The following ABHD2 variants were observed in gnomAD, a reference collection of about 807,000 sequenced individuals.
ABHD2 encodes the protein abhydrolase domain containing 2, acylglycerol lipase, also known as monoacylglycerol lipase ABHD2.
In ABHD2, 20 loss-of-function variants were observed where a neutral mutation model predicts 48.1. The ratio of observed to expected loss-of-function variants is 0.42; its 90% CI spans 0.29 to 0.60. ABHD2 has a LOEUF of 0.60. Ranked by LOEUF, ABHD2 falls within the 20% of genes least tolerant of loss-of-function variation. The probability of loss-of-function intolerance (pLI) is 0.24; values close to 1 mark genes in which losing one functional copy is unlikely to be tolerated. For synonymous variants in ABHD2, 209 were observed against 214.2 expected, an observed-to-expected ratio of 0.98 and a Z score of 0.21; for missense variants, 405 against 550.9, an observed-to-expected ratio of 0.74 and a Z score of 2.65.
chr15:89,188,414 G>A lies in ABHD2; in HGVS notation c.926+111G>A. On this transcript the variant is annotated intron_variant, in intron 8 of 10. Coordinates refer to ENST00000352732, the MANE Select transcript of ABHD2 (RefSeq NM_152924.5). This position sits in a 1 kb window ranked among gnomAD's most constrained non-coding sequence, Gnocchi z 4.1. ...TTGCTCTGCCTACTTGAGTGTTAAG[G>A]GTGTTTTTTTCCCTTTAAGTAAGTG... 1.1e-6 allele frequency: 1 copy of A among 881,544 alleles called. No individual in the cohort carries two copies. The highest frequency in any genetic ancestry group is 1.7e-6 in the Non-Finnish European group (1 of 574,058). 54.6% of individuals were successfully genotyped at this position (881,544 alleles called of 1,614,324 possible).
chr15:89,053,024 G>C, the ABHD2 span, among the ~76,000 whole-genome samples: 1 of 149,928 alleles, frequency 6.7e-6, no homozygotes, highest in Non-Finnish European at 1.5e-5. Flanking sequence ...CTGTAGTGCA[G>C]TGGCGTGGTC....
rs1306093439 is a variant in ABHD2 at position 89,174,036 on chromosome 15, C to T, written c.539-1776C>T. Among the ~76,000 whole-genome samples the T allele has an allele frequency of 6.6e-6, 1 of 152,074 alleles. No homozygotes were observed. The highest frequency in any genetic ancestry group is 1.5e-5 in the Non-Finnish European group (1 of 68,012). On this transcript the variant is annotated intron_variant, in intron 5 of 10. Transcript: ENST00000352732. This position sits in a 1 kb window ranked among gnomAD's most constrained non-coding sequence, Gnocchi z 4.1. Reference sequence around the variant, plus strand: ...CTGGGAAGAGGCATGAGGAGGCCTCCAGGGGTGTCAAAAATATTCTGCGTC... The same window carrying T: ...CTGGGAAGAGGCATGAGGAGGCCTCTAGGGGTGTCAAAAATATTCTGCGTC...
chr15:89,064,235 T>TC, the ABHD2 span, among the ~76,000 whole-genome samples: 1 of 149,978 alleles, frequency 6.7e-6, no homozygotes, highest in Non-Finnish European at 1.5e-5. Flanking sequence ...TTTTTTTTTT[T>TC]TTTACACGGA....
intron 5 of ABHD2, among the ~76,000 whole-genome samples, chr15:89,156,848 G>A (rs1027207694): frequency 6.6e-6 from 1 of 152,112 alleles, no homozygotes; most frequent in Non-Finnish European, 1.5e-5. Context: ...ATATGCATCT[G>A]TATATGCACA....
intron 3 of ABHD2, among the ~76,000 whole-genome samples, chr15:89,118,121 G>A (rs2049990615): frequency 6.6e-6 from 1 of 152,140 alleles, no homozygotes; most frequent in African/African-American, 2.4e-5. Flanking sequence ...TAAAGGGTGT[G>A]CACGGTATAT....
rs2051004590 is a variant in ABHD2 at position 89,175,915 on chromosome 15, C to T, written c.642C>T (p.Cys214=). The change falls in exon 6 of 11, where the codon TGC becomes TGT. Residue 214 remains cysteine, a synonymous_variant. Transcript: ENST00000352732. This position sits in a 1 kb window ranked among gnomAD's most constrained non-coding sequence, Gnocchi z 5.7. ...VGFSLGGNIV[C]KYLGETQANQ... ...TCAGCCTGGGTGGTAACATTGTGTG[C>T]AAATACTTGGGGGAGACTCAGGCAA... The T allele has an allele frequency of 6.2e-7, 1 of 1,614,086 alleles. No individual in the cohort carries two copies. Among genetic ancestry groups the T allele is most frequent in the South Asian group, 1.1e-5 (1 of 91,076 alleles).
At chr15:89,098,112 T>C (rs769490934) in intron 1 of ABHD2, among the ~76,000 whole-genome samples, 9 of 152,112 alleles carry the variant, frequency 5.9e-5, no homozygotes, top group Non-Finnish European at 1.0e-4. Context: ...ATTCCTGAGC[T>C]CAAGTGATCC....
At chr15:89,194,837 C>T (rs1596170112) in intron 10 of ABHD2, among the ~76,000 whole-genome samples, 1 of 152,310 alleles carries the variant, frequency 6.6e-6, no homozygotes, top group East Asian at 1.9e-4. Context: ...AATACCAACA[C>T]TTGGGAATTC....
chr15:89,057,511 T>C, the ABHD2 span, among the ~76,000 whole-genome samples: 1 of 152,166 alleles, frequency 6.6e-6, no homozygotes, highest in African/African-American at 2.4e-5. Context: ...GAGAGTTCTT[T>C]GGGAAGCTTC....
At chr15:89,060,894 A>T in the ABHD2 span, among the ~76,000 whole-genome samples, 1 of 152,146 alleles carries the variant, frequency 6.6e-6, no homozygotes, top group Non-Finnish European at 1.5e-5. Flanking sequence ...AGAGTATTTT[A>T]TACAGCCATT....
Position 89,104,457 on chromosome 15 carries a change from A to G in ABHD2, c.-106-9268A>G, listed in dbSNP as rs28621667. 0.026 allele frequency among the ~76,000 whole-genome samples: 3,980 copies of G among 152,222 alleles called. 182 individuals carry two copies. The highest frequency in any genetic ancestry group is 0.09 in the African/African-American group (3,744 of 41,502). On this transcript the variant is annotated intron_variant, in intron 1 of 10. Transcript: ENST00000352732. The surrounding 1 kb of genome is among the most constrained non-coding windows in gnomAD (Gnocchi z 4.4). ...GGTGAAATGCAAGACTGTTAGAGTG[A>G]TAATGGGCTGCACGTGTTAATGCTG...
chr15:89,050,874 T>C, the ABHD2 span, among the ~76,000 whole-genome samples: 373 of 152,140 alleles, frequency 2.5e-3, 2 homozygotes, highest in African/African-American at 8.2e-3. Context: ...AAAACCTTTT[T>C]GAGAATGATC....
At chr15:89,061,293 C>T in the ABHD2 span, among the ~76,000 whole-genome samples, 2 of 135,482 alleles carry the variant, frequency 1.5e-5, no homozygotes, top group South Asian at 5.4e-4. Flanking sequence ...TGGCATGTGC[C>T]TGTAATCCCA....
At chr15:89,141,620 C>G (rs2050404336) in intron 3 of ABHD2, among the ~76,000 whole-genome samples, 1 of 151,346 alleles carries the variant, frequency 6.6e-6, no homozygotes, top group Admixed American at 6.6e-5. Flanking sequence ...GCAACTCTGT[C>G]TCAAAAAAAA....
intron 9 of ABHD2, 33 bp downstream of exon 9, chr15:89,191,182 C>T: frequency 6.2e-7 from 1 of 1,607,318 alleles, no homozygotes; most frequent in Non-Finnish European, 8.5e-7. Flanking sequence ...GAATCAGCAT[C>T]ACTCCACCCA....
intron 4 of ABHD2, among the ~76,000 whole-genome samples, chr15:89,152,528 TATCTC>T (rs2050610590): frequency 6.6e-6 from 1 of 152,240 alleles, no homozygotes; most frequent in Admixed American, 6.5e-5. Flanking sequence ...TGTATACTGT[TATCTC>T]ATTTAATCCT....
Position 89,188,219 on chromosome 15 carries a change from A to G in ABHD2, c.842A>G (p.Lys281Arg). ...CAAGCTCTTTTTGGAGACCATGTTA[A>G]GAAACCCCAGAGCCTGGAAGACACG... ...HRQALFGDHV[K>R]KPQSLEDTDL... Residue 281 changes from lysine to arginine, a missense_variant, in exon 8 of 11, where the codon AAG (lysine) becomes AGG (arginine). Physicochemically the swap from Lys to Arg is conservative, Grantham distance 26 (BLOSUM62 2). Transcript: ENST00000352732. This position sits in a 1 kb window ranked among gnomAD's most constrained non-coding sequence, Gnocchi z 4.1. 7 of 1,614,232 alleles carry G rather than the reference A, an allele frequency of 4.3e-6. No homozygotes were observed. The Middle Eastern group carries it at 9.9e-4, about 228-fold the overall frequency.
chr15:89,129,070 C>T (rs971918581), intron 3 of ABHD2, among the ~76,000 whole-genome samples: 2 of 152,158 alleles, frequency 1.3e-5, no homozygotes, highest in Non-Finnish European at 2.9e-5. Context: ...AAGCTGCTTT[C>T]TCAAGGAAAG....
chr15:89,147,233 TCC>T (rs2050507187), intron 3 of ABHD2, among the ~76,000 whole-genome samples: 1 of 152,136 alleles, frequency 6.6e-6, no homozygotes, highest in Non-Finnish European at 1.5e-5. Context: ...AATTATATCT[TCC>T]CTTCACATCA....
Sources: gnomAD v4.1 joint callset for allele counts (sites outside exome capture counted in the v4.1 genomes callset) on GRCh38, gnomAD v4.1.1 for gene constraint, Gnocchi (gnomAD v3.1) non-coding constraint, MANE v1.5 for transcripts, NCBI Gene and HGNC (gene_info 2026-07-23, HGNC 2026-07-21) for gene names.